MGAT1: variants seen among roughly 807,000 people sequenced by gnomAD.
MGAT1 encodes the protein N-glycosyl-oligosaccharide-glycoprotein N-acetylglucosaminyltransferase I.
A neutral mutation model predicts 31.7 loss-of-function variants in MGAT1; 14 were observed. That is an observed-to-expected ratio of 0.44 (90% CI 0.29 to 0.69). The LOEUF (loss-of-function observed/expected upper bound fraction) is 0.69. MGAT1 is among the 30% of genes least tolerant of loss of function. MGAT1 has a pLI of 0.12. For missense variants in MGAT1, 557 were observed against 626.0 expected (o/e 0.89, Z 1.18); for synonymous variants, 338 against 276.0 (o/e 1.22, Z -2.23).
At chr5:180,802,239 TA>T (rs1770939035) in intron 1 of MGAT1, among the ~76,000 whole-genome samples, 1 of 152,130 alleles carries the variant, frequency 6.6e-6, no homozygotes, top group Non-Finnish European at 1.5e-5. Flanking sequence ...CTTGCCAACT[TA>T]TTATATATAT....
chr5:180,788,717 G>A lies in MGAT1; in HGVS notation c.*2917C>T, dbSNP rs948448684. The A allele has an allele frequency of 3.8e-3, 529 of 140,674 alleles. 4 individuals carry two copies. The highest frequency in any genetic ancestry group is 0.013 in the African/African-American group (481 of 37,902). The allele number at this position is 140,674 out of a possible 1,614,324, so 8.7% of individuals were successfully genotyped here. ...TAAGTAAGTTGGTACTTATCCTGGAGCACTAAGTAAGTTGGTACTTATCCT... is the reference window on the plus strand; with the variant it reads ...TAAGTAAGTTGGTACTTATCCTGGAACACTAAGTAAGTTGGTACTTATCCT... On this transcript the variant is annotated 3_prime_UTR_variant, in exon 2 of 2. Coordinates refer to ENST00000307826, the MANE Select transcript of MGAT1 (RefSeq NM_002406.4).
At chr5:180,793,955 C>T (rs1027121028) in intron 1 of MGAT1, among the ~76,000 whole-genome samples, 6 of 152,162 alleles carry the variant, frequency 3.9e-5, no homozygotes, top group African/African-American at 1.4e-4. Flanking sequence ...GACATTTCAG[C>T]ATCATCAAAA....
rs958164915 is a variant in MGAT1 at position 180,786,203 on chromosome 5, G to C, written c.*5431C>G. ...GTCAGCACTTCCGGGGCTGTGTGTG[G>C]CCTTCAGGAATTTCAGTTTTCATGC... is the stretch of plus-strand genomic sequence containing the variant. On this transcript the variant is annotated 3_prime_UTR_variant, in exon 2 of 2. Transcript: ENST00000307826. 6.6e-6 allele frequency: 1 copy of C among 152,258 alleles called. No individual in the cohort carries two copies. The highest frequency in any genetic ancestry group is 1.5e-5 in the Non-Finnish European group (1 of 68,056). The allele number at this position is 152,258 out of a possible 1,614,324, so 9.4% of individuals were successfully genotyped here. A position where few individuals can be genotyped will look rare whatever the true frequency, so the allele number is the denominator to read the frequency against.
rs963613326 is a variant in MGAT1 at position 180,796,616 on chromosome 5, C to CT, written c.-126-3520dup. Among the ~76,000 whole-genome samples, 150 of 150,752 alleles carry CT rather than the reference C, an allele frequency of 1.0e-3. 2 individuals are homozygous for CT. The highest frequency in any genetic ancestry group is 6.8e-3 in the Middle Eastern group (2 of 292). The stretch of plus-strand genomic sequence containing the variant: ...GCACAAAAGAGTTTCAGTTTTTTTT[C>CT]TTTTTTTTTGAGACAGAGTCTCACT... On this transcript the variant is annotated intron_variant, in intron 1 of 1. Transcript: ENST00000307826.
chr5:180,802,031 G>A lies in MGAT1; in HGVS notation c.-127+649C>T, dbSNP rs115505826. Among the ~76,000 whole-genome samples the A allele has an allele frequency of 4.6e-3, 698 of 152,172 alleles. 9 individuals are homozygous for A. The highest frequency in any genetic ancestry group is 0.016 in the African/African-American group (658 of 41,492). On this transcript the variant is annotated intron_variant, in intron 1 of 1. Transcript: ENST00000307826. ...ACCGTAAATGACTGAAAATAAAGCT[G>A]GGCAACATCTCAGCCAGTGATGTTC...
chr5:180,814,167 T>C (rs1772726977), intron 1 of MGAT1, among the ~76,000 whole-genome samples: 1 of 152,342 alleles, frequency 6.6e-6, no homozygotes, highest in African/African-American at 2.4e-5. Context: ...TTCCTGGGCT[T>C]CTCCTTACCC....
upstream of MGAT1, chr5:180,802,913 C>A (rs1249274629): frequency 1.4e-5 from 2 of 147,340 alleles, no homozygotes; most frequent in Non-Finnish European, 3.0e-5. Context: ...CCGCGCCCCG[C>A]CCCCCGGCCG....
Position 180,792,362 on chromosome 5 carries a change from C to A in MGAT1, c.610G>T (p.Ala204Ser). The A allele has an allele frequency of 6.2e-7, 1 of 1,610,998 alleles. No homozygotes were observed. The highest frequency in any genetic ancestry group is 1.1e-5 in the South Asian group (1 of 90,978). Residue 204 changes from alanine (A) to serine (S), a missense_variant, in exon 2 of 2, where the codon GCG becomes TCG. Ala to Ser is a moderately conservative substitution (Grantham distance 99). Coordinates refer to ENST00000307826, the MANE Select transcript of MGAT1 (RefSeq NM_002406.4). ...AGGTCATCCTCCACCACCACGGCCGCGGGGAAGCGAAACTGCCGGAAGACC... is the reference window on the plus strand; with the variant it reads ...AGGTCATCCTCCACCACCACGGCCGAGGGGAAGCGAAACTGCCGGAAGACC... ...GQVFRQFRFP[A>S]AVVVEDDLEV...
At chr5:180,813,757 G>A (rs77797826) in intron 1 of MGAT1, among the ~76,000 whole-genome samples, 2 of 152,226 alleles carry the variant, frequency 1.3e-5, no homozygotes, top group African/African-American at 2.4e-5. Flanking sequence ...TGGAAGCCTC[G>A]CATCTCCATC....
At chr5:180,796,727 T>C (rs1289149122) in intron 1 of MGAT1, among the ~76,000 whole-genome samples, 1 of 152,108 alleles carries the variant, frequency 6.6e-6, no homozygotes, top group Non-Finnish European at 1.5e-5. Flanking sequence ...CTCTCTTGCC[T>C]CAGCCTCCCG....
At chr5:180,793,927 T>A (rs1461360593) in intron 1 of MGAT1, among the ~76,000 whole-genome samples, 1 of 152,164 alleles carries the variant, frequency 6.6e-6, no homozygotes. Context: ...CATCTGAATA[T>A]CCCTTGTTCT....
At position 180,788,312 on chromosome 5, in the gene MGAT1, G is replaced by A. The variant is rs1172725212; in HGVS notation, c.*3322C>T. The A allele has an allele frequency of 6.7e-6, 1 of 148,250 alleles. No homozygotes were observed. Among genetic ancestry groups the A allele is most frequent in the East Asian group, 1.9e-4 (1 of 5,194 alleles). The allele number at this position is 148,250 out of a possible 1,614,324, so 9.2% of individuals were successfully genotyped here. ...TGTAAGGGGGTCCTCTGGCACCGCA[G>A]GCCCCAAACTCTACTCCTCCCGCCA... On this transcript the variant is annotated 3_prime_UTR_variant, in exon 2 of 2. Coordinates refer to ENST00000307826, the MANE Select transcript of MGAT1 (RefSeq NM_002406.4).
At position 180,792,663 on chromosome 5, in the gene MGAT1, C is replaced by A. The variant is rs1264802727; in HGVS notation, c.309G>T (p.Pro103=). The A allele has an allele frequency of 1.3e-6, 2 of 1,577,392 alleles. No homozygotes were observed. Among genetic ancestry groups the A allele is most frequent in the Non-Finnish European group, 1.7e-6 (2 of 1,160,870 alleles). The change falls in exon 2 of 2, where the codon CCG becomes CCT. Residue 103 remains proline, a synonymous_variant. Coordinates refer to ENST00000307826, the MANE Select transcript of MGAT1 (RefSeq NM_002406.4). ...AQPRVPVTPA[P]AVIPILVIAC... ...CGATGACCAGGATGGGAATCACCGC[C>A]GGCGCGGGGGTCACAGGCACACGCG...
intron 1 of MGAT1, among the ~76,000 whole-genome samples, chr5:180,795,131 C>G (rs10903270): frequency 0.075 from 11,431 of 152,082 alleles, 542 homozygotes; most frequent in East Asian, 0.21. Context: ...AAAATAGAAA[C>G]TAATCTATAT....
Position 180,792,513 on chromosome 5 carries a change from G to C in MGAT1, c.459C>G (p.Ala153=). The change falls in exon 2 of 2, where the codon GCC becomes GCG. Residue 153 remains alanine, a synonymous_variant. Coordinates refer to ENST00000307826, the MANE Select transcript of MGAT1 (RefSeq NM_002406.4). ...TGTGCGTGACCGCGCTGCCGTAGGA[G>C]GCGATGGCCTGGGCCGTCTCCTCGT... is the stretch of plus-strand genomic sequence containing the variant. The part of the protein sequence containing the change: ...CGHEETAQAI[A]SYGSAVTHIR... 6.2e-7 allele frequency: 1 copy of C among 1,613,050 alleles called. No individual in the cohort carries two copies. The highest frequency in any genetic ancestry group is 8.5e-7 in the Non-Finnish European group (1 of 1,179,884).
At chr5:180,798,812 T>C (rs1770063587) in intron 1 of MGAT1, among the ~76,000 whole-genome samples, 1 of 152,154 alleles carries the variant, frequency 6.6e-6, no homozygotes, top group Non-Finnish European at 1.5e-5. Flanking sequence ...GCTTCTGATC[T>C]TCCACTACAG....
chr5:180,800,904 A>G (rs62407765), intron 1 of MGAT1, among the ~76,000 whole-genome samples: 18,876 of 152,300 alleles, frequency 0.12, 1,240 homozygotes, highest in East Asian at 0.25. Context: ...ACTGGCATGC[A>G]AGGCACAGAC....
At chr5:180,793,508 A>T (rs1022713025) in intron 1 of MGAT1, among the ~76,000 whole-genome samples, 2 of 152,192 alleles carry the variant, frequency 1.3e-5, no homozygotes, top group Admixed American at 6.5e-5. Flanking sequence ...GGGAAGCACC[A>T]GAGGCACCCC....
At chr5:180,808,846 C>A (rs998244547) in exon 2 of MGAT1, 1 of 152,232 alleles carries the variant, frequency 6.6e-6, no homozygotes, top group Non-Finnish European at 1.5e-5. Context: ...CCCCTCCCCC[C>A]CCACTGCAGA....
Sources: allele counts gnomAD v4.1 joint callset (sites outside exome capture counted in the v4.1 genomes callset), GRCh38; gene constraint gnomAD v4.1.1; transcripts MANE v1.5; gene names NCBI Gene and HGNC (gene_info 2026-07-23, HGNC 2026-07-21).